TTC39C: variants seen among roughly 807,000 people sequenced by gnomAD.
TTC39C encodes tetratricopeptide repeat protein 39C.
TTC39C carries 33 observed loss-of-function variants against 76.3 expected under a neutral mutation model. That is an observed-to-expected ratio of 0.43 (90% CI 0.33 to 0.58). The LOEUF (loss-of-function observed/expected upper bound fraction) is 0.58, where lower values mean the gene tolerates loss of function less well. TTC39C is among the 20% of genes least tolerant of loss of function. The probability of loss-of-function intolerance (pLI) is 0.04; values close to 1 mark genes in which losing one functional copy is unlikely to be tolerated. For missense variants in TTC39C, 595 were observed against 701.4 expected, an observed-to-expected ratio of 0.85 and a Z score of 1.71; for synonymous variants, 254 against 260.6, an observed-to-expected ratio of 0.97 and a Z score of 0.24.
intron 8 of TTC39C, among the ~76,000 whole-genome samples, chr18:24,120,386 G>A (rs967004523): frequency 7.9e-5 from 12 of 152,104 alleles, no homozygotes; most frequent in Non-Finnish European, 1.5e-4. Flanking sequence ...AAGGAGCACC[G>A]TTACACTGTC....
At chr18:24,105,733 G>C (rs1304005738) in intron 6 of TTC39C, among the ~76,000 whole-genome samples, 1 of 152,236 alleles carries the variant, frequency 6.6e-6, no homozygotes, top group Admixed American at 6.5e-5. Context: ...CCCCAAAGAA[G>C]GGACACCCCT....
intron 1 of TTC39C, among the ~76,000 whole-genome samples, chr18:24,004,405 G>A (rs2083336073): frequency 6.6e-6 from 1 of 152,192 alleles, no homozygotes; most frequent in South Asian, 2.1e-4. Context: ...GAAAAAATGT[G>A]TATTTTTAGC....
At chr18:24,005,855 A>C (rs914893408) in intron 1 of TTC39C, among the ~76,000 whole-genome samples, 3 of 151,932 alleles carry the variant, frequency 2.0e-5, no homozygotes, top group Admixed American at 6.6e-5. Flanking sequence ...AAAAAAAAAA[A>C]AACAAAAAAC....
At chr18:24,052,822 C>G (rs1023511482) in intron 1 of TTC39C, among the ~76,000 whole-genome samples, 1 of 152,094 alleles carries the variant, frequency 6.6e-6, no homozygotes, top group Non-Finnish European at 1.5e-5. Context: ...GAAGATGTGG[C>G]GCAGTGGAGT....
chr18:24,098,821 G>A (rs1001411931), intron 6 of TTC39C, among the ~76,000 whole-genome samples: 5 of 151,600 alleles, frequency 3.3e-5, no homozygotes, highest in African/African-American at 1.2e-4. Context: ...TAGTAGAGAC[G>A]GGGTTTTGCC....
intron 1 of TTC39C, chr18:24,019,838 T>C: frequency 6.6e-7 from 1 of 1,522,548 alleles, no homozygotes; most frequent in South Asian, 1.2e-5. Context: ...GCCTAAAATA[T>C]CTACTCTCTG....
chr18:23,996,785 A>T (rs1409815536), intron 1 of TTC39C, among the ~76,000 whole-genome samples: 1 of 152,210 alleles, frequency 6.6e-6, no homozygotes, highest in Admixed American at 6.5e-5. Context: ...CCCAATCTCC[A>T]CTTCAGGGCA....
rs143561869 is a variant in TTC39C at position 24,114,511 on chromosome 18, C to T, written c.985-43C>T. 3.3e-4 allele frequency: 458 copies of T among 1,375,280 alleles called. 2 individuals are homozygous for T. The East Asian group carries it at 8.7e-3, about 26-fold the overall frequency. 85.2% of individuals were successfully genotyped at this position (1,375,280 alleles called of 1,614,324 possible). A position where few individuals can be genotyped will look rare whatever the true frequency, so the allele number is the denominator to read the frequency against. ...TGAATTATGATGATTGTAATGTTAT[C>T]GACAGATCTTAGCTGGTAATTCTGT... is the stretch of plus-strand genomic sequence containing the variant. On this transcript the variant is annotated intron_variant, in intron 6 of 13. Transcript: ENST00000317571.
At chr18:24,001,284 T>A (rs2083308814) in intron 1 of TTC39C, among the ~76,000 whole-genome samples, 1 of 152,236 alleles carries the variant, frequency 6.6e-6, no homozygotes. Context: ...CAGGTCAACC[T>A]GGCTTGGGTT....
chr18:24,129,846 G>A (rs376242325), intron 11 of TTC39C, among the ~76,000 whole-genome samples: 3 of 151,148 alleles, frequency 2.0e-5, no homozygotes, highest in African/African-American at 4.9e-5. Context: ...AGATGATAAT[G>A]TCCTTGTAAG....
intron 6 of TTC39C, chr18:24,114,101 G>T: frequency 3.8e-6 from 1 of 266,290 alleles, no homozygotes; most frequent in Non-Finnish European, 7.2e-6. Context: ...GCGCACACGG[G>T]GATGAAATAT....
chr18:24,012,979 A>G (rs2083405539), upstream of TTC39C: 1 of 152,116 alleles, frequency 6.6e-6, no homozygotes, highest in Non-Finnish European at 1.5e-5. Flanking sequence ...CTCAACATCC[A>G]TTCTCATGAT....
chr18:24,011,942 G>A (rs1050876212), upstream of TTC39C, among the ~76,000 whole-genome samples: 5 of 152,170 alleles, frequency 3.3e-5, no homozygotes, highest in Admixed American at 3.3e-4. Context: ...CAAGTATATG[G>A]TGTCCTGGAG....
intron 1 of TTC39C, among the ~76,000 whole-genome samples, chr18:24,022,127 G>A (rs1269829775): frequency 6.6e-6 from 1 of 152,184 alleles, no homozygotes; most frequent in African/African-American, 2.4e-5. Context: ...GGGAGGATGT[G>A]TGTAGGTGAT....
chr18:24,016,736 T>G (rs1316860175), intron 1 of TTC39C: 2 of 398,642 alleles, frequency 5.0e-6, no homozygotes. Context: ...GATACTTCTC[T>G]GTGGGTGAGT....
At chr18:24,061,612 A>AAG (rs982107790) in intron 1 of TTC39C, among the ~76,000 whole-genome samples, 6 of 150,692 alleles carry the variant, frequency 4.0e-5, no homozygotes, top group African/African-American at 1.2e-4. Context: ...AAAAAAAAAA[A>AAG]AAAAGCGTGG....
rs189649022 is a variant in TTC39C at position 24,019,439 on chromosome 18, C to T, written c.167+4401C>T. On this transcript the variant is annotated intron_variant, in intron 1 of 13. Transcript: ENST00000317571. ...GCTATGAATTGTGACACTTCCTTTT[C>T]CATTTTAAACTATAAAATGGCGAAA... 1.7e-3 allele frequency among the ~76,000 whole-genome samples: 262 copies of T among 152,248 alleles called. 1 individual carries two copies. The highest frequency in any genetic ancestry group is 6.1e-3 in the African/African-American group (252 of 41,534).
chr18:24,055,108 G>A (rs979206806), intron 1 of TTC39C, among the ~76,000 whole-genome samples: 2 of 152,106 alleles, frequency 1.3e-5, no homozygotes, highest in Admixed American at 1.3e-4. Context: ...GTATTCCACT[G>A]TATGTATATC....
intron 6 of TTC39C, among the ~76,000 whole-genome samples, chr18:24,098,668 T>C (rs1335578360): frequency 1.3e-5 from 2 of 151,174 alleles, no homozygotes; most frequent in Non-Finnish European, 2.9e-5. Context: ...AGTCTCGCTC[T>C]ATCACCCAGG....
Sources: gnomAD v4.1 joint callset for allele counts (sites outside exome capture counted in the v4.1 genomes callset) on GRCh38, gnomAD v4.1.1 for gene constraint, MANE v1.5 for transcripts, NCBI Gene and HGNC (gene_info 2026-07-23, HGNC 2026-07-21) for gene names.